USP3: variants seen among roughly 807,000 people sequenced by gnomAD.
USP3 encodes ubiquitin carboxyl-terminal hydrolase 3.
USP3 carries 20 observed loss-of-function variants against 72.3 expected under a neutral mutation model. The observed-to-expected ratio is 0.28, with a 90% CI of 0.19 to 0.40. The LOEUF (loss-of-function observed/expected upper bound fraction) is 0.40, where lower values mean the gene tolerates loss of function less well. Ranked by LOEUF, USP3 falls within the 10% of genes least tolerant of loss-of-function variation. The pLI is 1.00. For missense variants in USP3, 479 were observed against 633.9 expected (o/e 0.76, Z 2.62); for synonymous variants, 222 against 225.3 (o/e 0.99, Z 0.13).
chr15:63,533,717 AT>A (rs1312127538), intron 2 of USP3: 7 of 455,518 alleles, frequency 1.5e-5, no homozygotes, highest in Non-Finnish European at 2.5e-5. Context: ...GGAATTGAGT[AT>A]TTTTTCCATG....
rs149301634 is a variant in USP3, at chr15:63,570,594, C to T, written c.908+15C>T. On this transcript the variant is annotated intron_variant, in intron 9 of 14. Coordinates refer to ENST00000380324, the MANE Select transcript of USP3 (RefSeq NM_006537.4). The surrounding 1 kb of genome is among the most constrained non-coding windows in gnomAD (Gnocchi z 4.4). Reference sequence around the variant, plus strand: ...AAGTGTTGCATGTAAGATTTAGTTGCCTTCTGTTTTTTAGGAGGGCCTCAG... The same window carrying T: ...AAGTGTTGCATGTAAGATTTAGTTGTCTTCTGTTTTTTAGGAGGGCCTCAG... The T allele has an allele frequency of 1.4e-4, 222 of 1,595,718 alleles. No individual in the cohort carries two copies. In the Middle Eastern group the frequency reaches 2.5e-3, roughly 18 times the overall value.
intron 4 of USP3, 112 bp from the exon 5 acceptor site, chr15:63,556,555 C>A: frequency 1.4e-6 from 1 of 702,744 alleles, no homozygotes; most frequent in South Asian, 2.5e-5. Context: ...ACGAAGCAGT[C>A]AGGGAGGTCT....
rs1188548237 is a variant in USP3 at position 63,592,436 on chromosome 15, G to C, written c.*1610G>C. On this transcript the variant is annotated 3_prime_UTR_variant, in exon 15 of 15. Transcript: ENST00000380324. The stretch of plus-strand genomic sequence containing the variant: ...AATGTATCTTGTGTTAAGCCAACGA[G>C]ACTTTCTGGCAATTTTTTTTTTTTT... The C allele has an allele frequency of 1.4e-5, 2 of 146,586 alleles. No homozygotes were observed. The highest frequency in any genetic ancestry group is 3.0e-5 in the Non-Finnish European group (2 of 66,792). The allele number at this position is 146,586 out of a possible 1,614,324, so 9.1% of individuals were successfully genotyped here.
chr15:63,557,596 A>T (rs1173482851), intron 5 of USP3, among the ~76,000 whole-genome samples: 1 of 152,158 alleles, frequency 6.6e-6, no homozygotes, highest in Non-Finnish European at 1.5e-5. Context: ...GAGTTTCGCC[A>T]TGTTGGCGGC....
chr15:63,559,878 T>C lies in USP3; in HGVS notation c.555T>C (p.Cys185=), dbSNP rs777354877. The C allele has an allele frequency of 5.0e-6, 8 of 1,613,782 alleles. No individual in the cohort carries two copies. ...QSLSNIEQFC[C]YFKELPAVEL... The stretch of plus-strand genomic sequence containing the variant: ...ATAGTAACATTGAGCAGTTTTGCTG[T>C]TATTTCAAAGAACTGCCCGCCGTGG... Residue 185 remains cysteine, a synonymous_variant, in exon 7 of 15, where the codon TGT becomes TGC. Transcript: ENST00000380324.
chr15:63,516,244 G>C (rs1226501722), intron 1 of USP3, among the ~76,000 whole-genome samples: 2 of 152,188 alleles, frequency 1.3e-5, no homozygotes, highest in Admixed American at 6.5e-5. Flanking sequence ...CAACGGATTA[G>C]ATAATCTCCA....
Position 63,584,538 on chromosome 15 carries a change from T to C in USP3, c.1097-3767T>C, listed in dbSNP as rs553398543. On this transcript the variant is annotated intron_variant, in intron 11 of 14. Transcript: ENST00000380324. ...TTGATTTGCATTTCCCTAGTAATTG[T>C]GATGTTGAGCATCTTTTTATGTGTC... is the stretch of plus-strand genomic sequence containing the variant. 1.6e-3 allele frequency among the ~76,000 whole-genome samples: 251 copies of C among 152,382 alleles called. 1 individual carries two copies. The Middle Eastern group carries it at 0.017, about 10-fold the overall frequency.
intron 1 of USP3, among the ~76,000 whole-genome samples, chr15:63,522,774 T>C (rs1055342684): frequency 3.9e-5 from 6 of 152,254 alleles, no homozygotes; most frequent in African/African-American, 1.4e-4. Context: ...GAACTTAGCA[T>C]CTTTGTTCAT....
At chr15:63,558,328 T>C (rs935472737) in intron 6 of USP3, 140 bp downstream of exon 6, 140 of 902,556 alleles carry the variant, frequency 1.6e-4, no homozygotes, top group Non-Finnish European at 2.2e-4. Context: ...TGTTTCCTCA[T>C]CAGTAAAATT....
chr15:63,547,888 G>GAGAAAGAGAGGCAT (rs2066373416), intron 3 of USP3, among the ~76,000 whole-genome samples: 1 of 73,236 alleles, frequency 1.4e-5, no homozygotes, highest in Non-Finnish European at 2.9e-5. Flanking sequence ...GAGAGAGAGA[G>GAGAAAGAGAGGCAT]AGAGAGAGGC....
In USP3 at chr15:63,588,756, G is replaced by A; in HGVS notation, c.1270G>A (p.Val424Ile). ...FHWTAYLRNK[V>I]DTYVEFPLRG... ...TTGGACAGCATATTTAAGAAATAAA[G>A]TTGATACATACGTAGAATTTCCACT... The change falls in exon 13 of 15, where the codon GTT becomes ATT. Residue 424 changes from valine (V) to isoleucine (I), a missense_variant. By Grantham distance (29) the Val-to-Ile change is conservative. Coordinates refer to ENST00000380324, the MANE Select transcript of USP3 (RefSeq NM_006537.4). This position sits in a 1 kb window ranked among gnomAD's most constrained non-coding sequence, Gnocchi z 4.6. 6.2e-7 allele frequency: 1 copy of A among 1,614,164 alleles called. No individual in the cohort carries two copies. The highest frequency in any genetic ancestry group is 8.5e-7 in the Non-Finnish European group (1 of 1,180,008).
At chr15:63,550,468 T>G (rs1476660208) in intron 3 of USP3, among the ~76,000 whole-genome samples, 1 of 152,224 alleles carries the variant, frequency 6.6e-6, no homozygotes, top group African/African-American at 2.4e-5. Context: ...CTTTTTTATA[T>G]CTAGCTGAGA....
chr15:63,533,664 T>G (rs1309987909), intron 2 of USP3: 1 of 283,522 alleles, frequency 3.5e-6, no homozygotes, highest in Non-Finnish European at 6.9e-6. Flanking sequence ...GAGAGCATCT[T>G]TCTTTGTTCA....
intron 2 of USP3, among the ~76,000 whole-genome samples, chr15:63,536,818 C>T (rs1293399866): frequency 6.6e-6 from 1 of 151,274 alleles, no homozygotes; most frequent in Non-Finnish European, 1.5e-5. Flanking sequence ...CGTGCCACTG[C>T]ACTCCAGCCT....
intron 3 of USP3, among the ~76,000 whole-genome samples, chr15:63,537,557 T>A (rs2066176037): frequency 2.0e-5 from 3 of 152,206 alleles, no homozygotes; most frequent in Admixed American, 2.0e-4. Context: ...CATATAATCT[T>A]AAAAATTTTA....
chr15:63,568,376 G>A (rs538614016), intron 8 of USP3, among the ~76,000 whole-genome samples: 95 of 151,206 alleles, frequency 6.3e-4, no homozygotes, highest in African/African-American at 2.1e-3. Context: ...AAAAAAATTG[G>A]AGCCAGTTAT....
At chr15:63,547,743 A>G (rs867138061) in intron 3 of USP3, among the ~76,000 whole-genome samples, 1 of 7,662 alleles carries the variant, frequency 1.3e-4, no homozygotes, top group African/African-American at 5.8e-4. Context: ...AGAGAGAGAG[A>G]GGGAGGGAGG....
intron 9 of USP3, among the ~76,000 whole-genome samples, 183 bp from the exon 10 acceptor site, chr15:63,573,863 T>C (rs1343867564): frequency 2.0e-5 from 3 of 152,248 alleles, no homozygotes; most frequent in African/African-American, 7.2e-5. Flanking sequence ...TTAAACCTTT[T>C]ATTTAGTATG....
chr15:63,541,189 A>T (rs981547669), intron 3 of USP3, among the ~76,000 whole-genome samples: 1 of 152,190 alleles, frequency 6.6e-6, no homozygotes, highest in Admixed American at 6.5e-5. Context: ...CAGGGCAGGT[A>T]ATGTTTTAAA....
Sources: allele counts gnomAD v4.1 joint callset (sites outside exome capture counted in the v4.1 genomes callset), GRCh38; gene constraint gnomAD v4.1.1; non-coding constraint Gnocchi (gnomAD v3.1); transcripts MANE v1.5; gene names NCBI Gene and HGNC (gene_info 2026-07-23, HGNC 2026-07-21).